TTC12: variants seen among roughly 807,000 people sequenced by gnomAD.
TTC12 encodes the protein tetratricopeptide repeat domain 12.
TTC12 carries 70 observed loss-of-function variants against 90.1 expected under a neutral mutation model. That is an observed-to-expected ratio of 0.78 (90% CI 0.64 to 0.95). The LOEUF (loss-of-function observed/expected upper bound fraction) is 0.95. TTC12 is among the 40% of genes least tolerant of loss of function. TTC12 has a pLI of 0.00. For missense variants in TTC12, 819 were observed against 846.1 expected (o/e 0.97, Z 0.40); for synonymous variants, 296 against 311.5 (o/e 0.95, Z 0.53).
downstream of TTC12, chr11:113,368,542 C>G: frequency 6.6e-7 from 1 of 1,504,412 alleles, no homozygotes; most frequent in Non-Finnish European, 9.1e-7. Flanking sequence ...GGATGGAACT[C>G]CATCACCATC....
At chr11:113,339,594 T>G (rs1187377453) in intron 10 of TTC12, 120 bp downstream of exon 10, 1 of 917,384 alleles carries the variant, frequency 1.1e-6, no homozygotes, top group South Asian at 1.9e-5. Context: ...ATTAAAGATA[T>G]ACGCTAATGT....
chr11:113,349,037 G>C (rs1413444252), intron 13 of TTC12, among the ~76,000 whole-genome samples: 1 of 152,266 alleles, frequency 6.6e-6, no homozygotes, highest in Non-Finnish European at 1.5e-5. Flanking sequence ...GCTGCCTGGA[G>C]CCAGGACATT....
rs376248176 is a variant in TTC12 at position 113,339,249 on chromosome 11, T to C, written c.638-37T>C. 27 of 1,553,948 alleles carry C rather than the reference T, an allele frequency of 1.7e-5. No individual in the cohort carries two copies. The African/African-American group carries it at 3.2e-4, about 18-fold the overall frequency. On this transcript the variant is annotated intron_variant, in intron 9 of 21. Transcript: ENST00000529221. The stretch of plus-strand genomic sequence containing the variant: ...CTTCTTGTGTGGTATTGTTGATTGT[T>C]AGGGTTTTGTTTTGCTTTCCTTTCT...
intron 10 of TTC12, 95 bp downstream of exon 10, chr11:113,339,569 C>T: frequency 8.7e-7 from 1 of 1,146,002 alleles, no homozygotes; most frequent in Admixed American, 2.3e-5. Context: ...CCCTCCCTTC[C>T]TTCCACAAAT....
At chr11:113,344,996 C>T (rs1447925521) in intron 13 of TTC12, among the ~76,000 whole-genome samples, 1 of 151,930 alleles carries the variant, frequency 6.6e-6, no homozygotes, top group Non-Finnish European at 1.5e-5. Context: ...TCTGCCCCGT[C>T]CTTTATAATT....
intron 6 of TTC12, among the ~76,000 whole-genome samples, chr11:113,326,921 G>T (rs1303019706): frequency 6.6e-6 from 1 of 152,106 alleles, no homozygotes; most frequent in African/African-American, 2.4e-5. Flanking sequence ...CCAATTAAGG[G>T]AGTTAAGTTT....
At position 113,351,252 on chromosome 11, in the gene TTC12, T is replaced by G; in HGVS notation, c.1261T>G (p.Phe421Val). 6.2e-7 allele frequency: 1 copy of G among 1,614,162 alleles called. No individual in the cohort carries two copies. The highest frequency in any genetic ancestry group is 1.3e-5 in the African/African-American group (1 of 75,060). The change falls in exon 15 of 22, where the codon TTC becomes GTC. Residue 421 changes from phenylalanine (F) to valine (V), a missense_variant. Phe to Val is a conservative substitution (Grantham distance 50). Coordinates refer to ENST00000529221, the MANE Select transcript of TTC12 (RefSeq NM_017868.4). ...LALEERFQVW[F>V]QANLPGVLPA... is the part of the protein sequence containing the mutation. ...GTTTCTCAACAGATTCCAAGTCTGG[T>G]TCCAGGCCAACCTTCCAGGTGTTCT...
rs200703601 is a variant in TTC12 at position 113,323,346 on chromosome 11, G to A, written c.117G>A (p.Leu39=). Residue 39 remains leucine (L), a synonymous_variant, in exon 3 of 22, where the codon CTG becomes CTA. Transcript: ENST00000529221. ...CAGTTGTGCAACAGAAAGCTGTCCTGGAGACAGAAAAGAGACTACTGCTTA... is the reference window on the plus strand; with the variant it reads ...CAGTTGTGCAACAGAAAGCTGTCCTAGAGACAGAAAAGAGACTACTGCTTA... ...DDPVVQQKAV[L]ETEKRLLLME... 1,499 of 1,612,808 alleles carry A rather than the reference G, an allele frequency of 9.3e-4. 17 individuals are homozygous for A. The South Asian group carries it at 0.015, about 17-fold the overall frequency.
At chr11:113,321,637 T>C (rs1555138515) in intron 2 of TTC12, among the ~76,000 whole-genome samples, 2 of 152,228 alleles carry the variant, frequency 1.3e-5, no homozygotes, top group African/African-American at 4.8e-5. Flanking sequence ...TTTCTTCCCA[T>C]CAAGAGTGGA....
At chr11:113,317,252 C>G (rs1470316664) in intron 2 of TTC12, among the ~76,000 whole-genome samples, 1 of 152,062 alleles carries the variant, frequency 6.6e-6, no homozygotes, top group East Asian at 1.9e-4. Flanking sequence ...CTACTGTATC[C>G]CACAAATAAA....
At chr11:113,337,116 G>A (rs565188989) in intron 8 of TTC12, among the ~76,000 whole-genome samples, 3 of 152,154 alleles carry the variant, frequency 2.0e-5, no homozygotes, top group South Asian at 2.1e-4. Flanking sequence ...AAAGAAATGT[G>A]AATAAAGAAA....
chr11:113,351,676 G>A (rs960960064), intron 15 of TTC12, among the ~76,000 whole-genome samples: 1 of 152,250 alleles, frequency 6.6e-6, no homozygotes, highest in Admixed American at 6.5e-5. Flanking sequence ...GCAGTGAATA[G>A]TGTGGGGGGC....
At chr11:113,333,263 G>A (rs186590666) in intron 7 of TTC12, among the ~76,000 whole-genome samples, 4 of 151,976 alleles carry the variant, frequency 2.6e-5, no homozygotes, top group East Asian at 1.9e-4. Context: ...GACCGTCCCC[G>A]GAGCCCCCTA....
intron 5 of TTC12, 43 bp downstream of exon 5, chr11:113,324,725 G>GCTCTTT: frequency 1.3e-6 from 2 of 1,558,806 alleles, no homozygotes; most frequent in Non-Finnish European, 1.8e-6. Context: ...GATGATTTGT[G>GCTCTTT]CTAGAAAGAG....
Position 113,365,054 on chromosome 11 carries a change from A to T in TTC12, c.2036A>T (p.Glu679Val), listed in dbSNP as rs768664295. Residue 679 changes from glutamate to valine, a missense_variant, in exon 21 of 22, where the codon GAG (glutamate) becomes GTG (valine). Transcript: ENST00000529221. ...GCTCTGGGGAAGCTGTGCACAGCTG[A>T]GCCCAGGTATGCTGTGGACACGGAG... The part of the protein sequence containing the change: ...GIALGKLCTA[E>V]PRFAAQLRKL... The T allele has an allele frequency of 2.9e-5, 46 of 1,613,418 alleles. 1 individual carries two copies. The South Asian group carries it at 4.4e-4, about 15-fold the overall frequency.
chr11:113,351,191 T>C (rs1300833005), intron 14 of TTC12, 48 bp from the exon 15 acceptor site: 3 of 1,540,344 alleles, frequency 1.9e-6, no homozygotes, highest in African/African-American at 2.7e-5. Flanking sequence ...ATTTATGTTA[T>C]AGTTTATGCA....
In TTC12 at chr11:113,350,143, AC is replaced by A; in HGVS notation, c.1226del (p.Thr409LysfsTer28). The A allele has an allele frequency of 6.2e-7, 1 of 1,613,432 alleles. No individual in the cohort carries two copies. Among genetic ancestry groups the A allele is most frequent in the Non-Finnish European group, 8.5e-7 (1 of 1,179,382 alleles). ...KEANTAMGLF[T>X]DLALEERFQV... The stretch of plus-strand genomic sequence containing the variant: ...GGCCAACACTGCTATGGGACTGTTC[AC>A]AGACTTGGCTCTGGAAGAAAGGTAA... On this transcript the variant is annotated frameshift_variant, in exon 14 of 22. Coordinates refer to ENST00000529221, the MANE Select transcript of TTC12 (RefSeq NM_017868.4). LOFTEE classifies it high-confidence loss of function.
At chr11:113,354,939 C>T (rs1949537543) in intron 16 of TTC12, among the ~76,000 whole-genome samples, 1 of 152,080 alleles carries the variant, frequency 6.6e-6, no homozygotes, top group African/African-American at 2.4e-5. Context: ...GTGTCTCTGC[C>T]AGGTTTGGGA....
chr11:113,361,546 A>G (rs1362564243), intron 18 of TTC12, among the ~76,000 whole-genome samples: 2 of 151,934 alleles, frequency 1.3e-5, no homozygotes, highest in Non-Finnish European at 2.9e-5. Context: ...GCAGAAGTAC[A>G]AGGCAGTGGA....
Sources: gnomAD v4.1 joint callset for allele counts (sites outside exome capture counted in the v4.1 genomes callset) on GRCh38, gnomAD v4.1.1 for gene constraint, MANE v1.5 for transcripts, NCBI Gene and HGNC (gene_info 2026-07-23, HGNC 2026-07-21) for gene names.